The following C8orf34 variants were observed in gnomAD, a reference collection of about 807,000 sequenced individuals.
C8orf34 encodes the protein chromosome 8 open reading frame 34.
A neutral mutation model predicts 68.3 loss-of-function variants in C8orf34; 65 were observed. The ratio of observed to expected loss-of-function variants is 0.95; its 90% CI spans 0.78 to 1.17. The LOEUF (loss-of-function observed/expected upper bound fraction) is 1.17. Among genes scored for constraint, C8orf34 ranks in the 50% most tolerant of loss-of-function variants. The probability of loss-of-function intolerance (pLI) is 0.00; values close to 1 mark genes in which losing one functional copy is unlikely to be tolerated. For missense variants in C8orf34, 664 were observed against 655.4 expected, an observed-to-expected ratio of 1.01 and a Z score of -0.14; for synonymous variants, 244 against 241.2, an observed-to-expected ratio of 1.01 and a Z score of -0.11.
chr8:68,716,794 A>C (rs2129526298), intron 9 of C8orf34, among the ~76,000 whole-genome samples: 1 of 152,168 alleles, frequency 6.6e-6, no homozygotes, highest in East Asian at 2.0e-4. Context: ...TAGAGAAATA[A>C]GTATCATATA....
intron 7 of C8orf34, among the ~76,000 whole-genome samples, chr8:68,546,246 G>T (rs1353469877): frequency 2.6e-5 from 4 of 151,948 alleles, no homozygotes; most frequent in Non-Finnish European, 5.9e-5. Context: ...AAGTATAAAT[G>T]AATTACACAC....
intron 1 of C8orf34, among the ~76,000 whole-genome samples, chr8:68,393,709 G>T (rs760232168): frequency 6.6e-6 from 1 of 152,112 alleles, no homozygotes; most frequent in Non-Finnish European, 1.5e-5. Flanking sequence ...AGTTCATGCA[G>T]GTCCATATAA....
At chr8:68,552,380 T>A (rs1261691012) in intron 7 of C8orf34, among the ~76,000 whole-genome samples, 1 of 152,186 alleles carries the variant, frequency 6.6e-6, no homozygotes, top group Non-Finnish European at 1.5e-5. Context: ...GAATATTTTT[T>A]AGTTTGTCAG....
At chr8:68,381,799 T>A (rs1279516612) in intron 1 of C8orf34, among the ~76,000 whole-genome samples, 1 of 150,544 alleles carries the variant, frequency 6.6e-6, no homozygotes, top group African/African-American at 2.4e-5. Context: ...GAGGATGATG[T>A]GTGTGCATTC....
At position 68,462,044 on chromosome 8, in the gene C8orf34, C is replaced by T. The variant is rs866149179; in HGVS notation, c.608-6648C>T. Among the ~76,000 whole-genome samples the T allele has an allele frequency of 2.1e-3, 322 of 152,126 alleles. 1 individual carries two copies. Among genetic ancestry groups the T allele is most frequent in the African/African-American group, 7.0e-3 (290 of 41,490 alleles). On this transcript the variant is annotated intron_variant, in intron 3 of 13. Transcript: ENST00000518698. ...CATCAGTGTGCTGTATTCAGGAAAC[C>T]CATCTCACGTGCAGAGACACACATA...
chr8:68,527,175 T>G (rs183916869), intron 6 of C8orf34, among the ~76,000 whole-genome samples: 1 of 152,334 alleles, frequency 6.6e-6, no homozygotes, highest in African/African-American at 2.4e-5. Flanking sequence ...ATGTCCAGGA[T>G]GCCCCCTTTG....
At chr8:68,566,525 C>A (rs1816593811) in intron 7 of C8orf34, among the ~76,000 whole-genome samples, 1 of 152,208 alleles carries the variant, frequency 6.6e-6, no homozygotes, top group Non-Finnish European at 1.5e-5. Flanking sequence ...TTGCACCTTT[C>A]TATTATGGAG....
intron 7 of C8orf34, among the ~76,000 whole-genome samples, chr8:68,618,085 T>C (rs191830042): frequency 6.2e-4 from 94 of 152,274 alleles, no homozygotes; most frequent in African/African-American, 2.2e-3. Flanking sequence ...CTTCAAATCT[T>C]ACTATCATCT....
chr8:68,724,364 C>T (rs16934962), intron 10 of C8orf34, among the ~76,000 whole-genome samples: 14,568 of 152,070 alleles, frequency 0.096, 756 homozygotes, highest in East Asian at 0.13. Context: ...ATAAATATGC[C>T]ACAAATGTTG....
At chr8:68,393,794 T>C (rs1263189708) in intron 1 of C8orf34, among the ~76,000 whole-genome samples, 2 of 151,936 alleles carry the variant, frequency 1.3e-5, no homozygotes, top group African/African-American at 4.8e-5. Context: ...GGGAGTGAAA[T>C]AAGTTGTGAG....
At chr8:68,465,393 C>T (rs1486066093) in intron 3 of C8orf34, among the ~76,000 whole-genome samples, 8 of 148,844 alleles carry the variant, frequency 5.4e-5, no homozygotes, top group Non-Finnish European at 7.4e-5. Context: ...GTCAGTGTGG[C>T]GATTCCTCAG....
chr8:68,439,048 T>G (rs139186947), intron 1 of C8orf34: 2,687 of 152,354 alleles, frequency 0.018, 100 homozygotes, highest in African/African-American at 0.06. Context: ...CAATAAAATT[T>G]TCTTCATTTT....
intron 5 of C8orf34, among the ~76,000 whole-genome samples, chr8:68,506,602 A>G (rs890306775): frequency 6.6e-6 from 1 of 152,066 alleles, no homozygotes; most frequent in Non-Finnish European, 1.5e-5. Flanking sequence ...TTTGTTATAG[A>G]TCCTGGATGC....
chr8:68,427,860 T>C (rs1810295531), intron 1 of C8orf34, among the ~76,000 whole-genome samples: 2 of 151,480 alleles, frequency 1.3e-5, no homozygotes, highest in Non-Finnish European at 3.0e-5. Flanking sequence ...TGTATAGTTA[T>C]TTCAAAATTA....
intron 1 of C8orf34, among the ~76,000 whole-genome samples, chr8:68,401,432 A>G (rs548839176): frequency 2.0e-5 from 3 of 152,212 alleles, no homozygotes; most frequent in African/African-American, 7.2e-5. Flanking sequence ...AGTGGTCAGA[A>G]TGGACATCCT....
At chr8:68,778,571 A>G (rs1040662956) in intron 11 of C8orf34, among the ~76,000 whole-genome samples, 1 of 152,070 alleles carries the variant, frequency 6.6e-6, no homozygotes, top group Non-Finnish European at 1.5e-5. Flanking sequence ...AACATCTTCT[A>G]TTTTTCAATG....
chr8:68,652,677 A>G (rs1819396580), intron 8 of C8orf34, among the ~76,000 whole-genome samples: 1 of 152,086 alleles, frequency 6.6e-6, no homozygotes, highest in African/African-American at 2.4e-5. Context: ...TATTCCTTCC[A>G]CCTTGAATTG....
intron 1 of C8orf34, among the ~76,000 whole-genome samples, chr8:68,387,182 C>T (rs16934533): frequency 0.068 from 10,267 of 151,942 alleles, 409 homozygotes; most frequent in African/African-American, 0.11. Context: ...CATGGACCGA[C>T]TTCAGTGTCA....
At chr8:68,376,531 G>A (rs974725665) in intron 1 of C8orf34, among the ~76,000 whole-genome samples, 48 of 151,944 alleles carry the variant, frequency 3.2e-4, no homozygotes, top group African/African-American at 1.0e-3. Context: ...CAGATAATCC[G>A]AAACCTGTAG....
Sources: allele counts gnomAD v4.1 joint callset (sites outside exome capture counted in the v4.1 genomes callset), GRCh38; gene constraint gnomAD v4.1.1; transcripts MANE v1.5; gene names NCBI Gene and HGNC (gene_info 2026-07-23, HGNC 2026-07-21).